LRRC4C: variants seen among roughly 807,000 people sequenced by gnomAD.
LRRC4C encodes leucine rich repeat containing 4C.
LRRC4C carries 5 observed loss-of-function variants against 33.6 expected under a neutral mutation model. The observed-to-expected ratio is 0.15, with a 90% CI of 0.08 to 0.31. The LOEUF (loss-of-function observed/expected upper bound fraction) is 0.31. LRRC4C is among the 10% of genes least tolerant of loss of function. The probability of loss-of-function intolerance (pLI) is 1.00; values close to 1 mark genes in which losing one functional copy is unlikely to be tolerated. For synonymous variants in LRRC4C, 329 were observed against 302.0 expected (o/e 1.09, Z -0.93); for missense variants, 560 against 796.7 (o/e 0.70, Z 3.58).
At chr11:40,332,103 G>T (rs187456331) in intron 3 of LRRC4C, among the ~76,000 whole-genome samples, 1 of 152,186 alleles carries the variant, frequency 6.6e-6, no homozygotes, top group South Asian at 2.1e-4. Context: ...CACTTTAGCA[G>T]TATATTAGTT....
chr11:41,114,982 C>G (rs777275958), intron 1 of LRRC4C, among the ~76,000 whole-genome samples: 2 of 151,752 alleles, frequency 1.3e-5, no homozygotes, highest in African/African-American at 4.8e-5. Context: ...AGATGAGGGC[C>G]GGGATAAAAC....
intron 2 of LRRC4C, among the ~76,000 whole-genome samples, chr11:40,719,639 T>A (rs1469161353): frequency 5.3e-5 from 8 of 152,192 alleles, no homozygotes; most frequent in African/African-American, 7.2e-5. Context: ...AGCAAAATTA[T>A]GTTTGTCTAT....
At chr11:40,670,349 C>T (rs1285291802) in intron 2 of LRRC4C, among the ~76,000 whole-genome samples, 2 of 152,160 alleles carry the variant, frequency 1.3e-5, no homozygotes, top group Non-Finnish European at 2.9e-5. Context: ...TACAGTAAAT[C>T]CTTGTGGCTA....
intron 3 of LRRC4C, among the ~76,000 whole-genome samples, chr11:40,564,531 C>A (rs1957678461): frequency 6.6e-6 from 1 of 152,128 alleles, no homozygotes; most frequent in South Asian, 2.1e-4. Context: ...CACAGGGCTG[C>A]CCTTTCTGAT....
intron 1 of LRRC4C, among the ~76,000 whole-genome samples, chr11:41,033,467 C>T (rs1856841756): frequency 6.6e-6 from 1 of 152,048 alleles, no homozygotes; most frequent in South Asian, 2.1e-4. Flanking sequence ...CACTGGGCTT[C>T]CACTTATCCC....
intron 5 of LRRC4C, among the ~76,000 whole-genome samples, chr11:40,191,068 T>C (rs575646082): frequency 6.6e-6 from 1 of 152,320 alleles, no homozygotes; most frequent in South Asian, 2.1e-4. Flanking sequence ...CTTAGCATTA[T>C]GCCGAGCACC....
intron 1 of LRRC4C, among the ~76,000 whole-genome samples, chr11:41,063,238 T>A (rs1015161165): frequency 3.3e-5 from 5 of 152,204 alleles, no homozygotes; most frequent in African/African-American, 1.2e-4. Flanking sequence ...CCTTTATTAT[T>A]TATTAAGAAA....
intron 1 of LRRC4C, among the ~76,000 whole-genome samples, chr11:41,223,326 T>C (rs1490278780): frequency 1.3e-5 from 2 of 152,174 alleles, no homozygotes; most frequent in Non-Finnish European, 2.9e-5. Flanking sequence ...AGACTTTTAC[T>C]GAGAAGCAGA....
At chr11:40,791,746 T>C (rs992253691) in intron 2 of LRRC4C, among the ~76,000 whole-genome samples, 7 of 152,102 alleles carry the variant, frequency 4.6e-5, no homozygotes, top group African/African-American at 1.7e-4. Flanking sequence ...TAAAAAGAAA[T>C]AGTGTGTTCC....
At chr11:40,771,604 T>C (rs185327855) in intron 2 of LRRC4C, among the ~76,000 whole-genome samples, 32 of 152,160 alleles carry the variant, frequency 2.1e-4, no homozygotes, top group African/African-American at 7.7e-4. Flanking sequence ...TTTTCCAAAC[T>C]TTTTTGCTTT....
intron 1 of LRRC4C, among the ~76,000 whole-genome samples, chr11:41,196,527 GA>G (rs1946185469): frequency 6.6e-6 from 1 of 151,994 alleles, no homozygotes; most frequent in African/African-American, 2.4e-5. Context: ...TTGTTAAATA[GA>G]AGAGGAATAA....
At chr11:40,677,332 C>G (rs552902308) in intron 2 of LRRC4C, among the ~76,000 whole-genome samples, 4 of 152,076 alleles carry the variant, frequency 2.6e-5, no homozygotes, top group African/African-American at 9.6e-5. Context: ...GTTGCAGTGA[C>G]CCAAAATCGC....
chr11:40,904,844 AAC>A (rs1956350144), intron 2 of LRRC4C, among the ~76,000 whole-genome samples: 1 of 152,138 alleles, frequency 6.6e-6, no homozygotes, highest in Admixed American at 6.5e-5. Context: ...GGGAGTGCGG[AAC>A]ACACTTTCAT....
At chr11:41,101,760 G>A (rs1215961552) in intron 1 of LRRC4C, among the ~76,000 whole-genome samples, 2 of 152,210 alleles carry the variant, frequency 1.3e-5, no homozygotes, top group Middle Eastern at 3.4e-3. Context: ...ATGTCCATTA[G>A]TGGTAGACTG....
chr11:40,493,520 T>C (rs1467396018), intron 3 of LRRC4C, among the ~76,000 whole-genome samples: 1 of 152,048 alleles, frequency 6.6e-6, no homozygotes, highest in Middle Eastern at 3.2e-3. Context: ...CTCATGAAGA[T>C]GGTAGGGAGC....
At chr11:40,579,180 T>C (rs1241210805) in intron 3 of LRRC4C, among the ~76,000 whole-genome samples, 1 of 151,922 alleles carries the variant, frequency 6.6e-6, no homozygotes, top group Non-Finnish European at 1.5e-5. Flanking sequence ...CTACCAAAAA[T>C]ACAAAAATTA....
At chr11:40,244,485 C>T (rs531035103) in intron 4 of LRRC4C, among the ~76,000 whole-genome samples, 3 of 152,178 alleles carry the variant, frequency 2.0e-5, no homozygotes, top group Non-Finnish European at 4.4e-5. Flanking sequence ...GATAGACTTT[C>T]GCCACAAACC....
intron 3 of LRRC4C, among the ~76,000 whole-genome samples, chr11:40,373,647 C>T (rs962563786): frequency 1.3e-5 from 2 of 152,094 alleles, no homozygotes; most frequent in African/African-American, 4.8e-5. Context: ...GATGGTGATT[C>T]GATCATGGTG....
At chr11:41,389,273 T>A (rs895094682) in intron 1 of LRRC4C, among the ~76,000 whole-genome samples, 31 of 151,752 alleles carry the variant, frequency 2.0e-4, no homozygotes, top group African/African-American at 7.5e-4. Context: ...ATGACCCTAA[T>A]TGACAAATAA....
Sources: gnomAD v4.1 joint callset for allele counts (sites outside exome capture counted in the v4.1 genomes callset) on GRCh38, gnomAD v4.1.1 for gene constraint, MANE v1.5 for transcripts, NCBI Gene and HGNC (gene_info 2026-07-23, HGNC 2026-07-21) for gene names.